Variants in LAMA1 observed in about 807,000 individuals in gnomAD.
LAMA1 encodes laminin subunit alpha-1.
LAMA1 carries 219 observed loss-of-function variants against 348.7 expected under a neutral mutation model. The ratio of observed to expected loss-of-function variants is 0.63; its 90% CI spans 0.56 to 0.70. The LOEUF (loss-of-function observed/expected upper bound fraction) is 0.70. Among genes scored for constraint, LAMA1 ranks in the 30% least tolerant of loss-of-function variants. The pLI is 0.00. For synonymous variants in LAMA1, 1,487 were observed against 1,491.0 expected (o/e 1.00, Z 0.06); for missense variants, 3,744 against 3,888.0 (o/e 0.96, Z 0.99).
At chr18:7,101,322 C>T (rs2058290389) in intron 1 of LAMA1, among the ~76,000 whole-genome samples, 1 of 152,082 alleles carries the variant, frequency 6.6e-6, no homozygotes, top group African/African-American at 2.4e-5. Context: ...ATTTATGTGG[C>T]CTGAAACTCA....
At chr18:7,101,917 G>A (rs956401306) in intron 1 of LAMA1, among the ~76,000 whole-genome samples, 1 of 151,450 alleles carries the variant, frequency 6.6e-6, no homozygotes, top group Admixed American at 6.6e-5. Flanking sequence ...GGGCTTAAGG[G>A]ATCTTCCTGC....
Position 7,064,273 on chromosome 18 carries a change from C to G in LAMA1, c.346-13337G>C, listed in dbSNP as rs558134410. On this transcript the variant is annotated intron_variant, in intron 3 of 62. Transcript: ENST00000389658. ...ATGATATGCATATTTTATAATAACA[C>G]CCCCTCCAAAAAAAAAGAGATGAAA... 7.3e-5 allele frequency among the ~76,000 whole-genome samples: 11 copies of G among 151,670 alleles called. No homozygotes were observed. The South Asian group carries it at 2.3e-3, about 32-fold the overall frequency.
intron 3 of LAMA1, among the ~76,000 whole-genome samples, chr18:7,066,006 T>A (rs930305089): frequency 1.3e-5 from 2 of 152,172 alleles, no homozygotes; most frequent in African/African-American, 4.8e-5. Context: ...AAGAAGTCTC[T>A]ACCTTCAGTG....
rs767647793 is a variant in LAMA1, at chr18:7,117,709, G to GC, written c.11dup (p.Val5ArgfsTer66). 1 of 1,597,946 alleles carries GC rather than the reference G, an allele frequency of 6.3e-7. No individual in the cohort carries two copies. Among genetic ancestry groups the GC allele is most frequent in the Non-Finnish European group, 8.5e-7 (1 of 1,178,252 alleles). On this transcript the variant is annotated frameshift_variant, in exon 1 of 63. Coordinates refer to ENST00000389658, the MANE Select transcript of LAMA1 (RefSeq NM_005559.4). LOFTEE classifies it high-confidence loss of function. ...CACACAGCAGCAAGACCAGGAGCAC[G>GC]CCCCCGCGCATCTCGCCTCCGCCGC...
intron 59 of LAMA1, 61 bp from the exon 60 acceptor site, chr18:6,948,617 AT>A: frequency 2.5e-6 from 4 of 1,586,278 alleles, no homozygotes; most frequent in South Asian, 1.1e-5. Context: ...GTTTGGACAC[AT>A]TTTCCTTCCA....
At chr18:6,994,030 C>G (rs1025279155) in intron 34 of LAMA1, among the ~76,000 whole-genome samples, 3 of 152,196 alleles carry the variant, frequency 2.0e-5, no homozygotes, top group African/African-American at 7.2e-5. Context: ...ACTACAGATT[C>G]TCCTAGTGGC....
At chr18:6,965,567 T>G in intron 49 of LAMA1, 135 bp from the exon 50 acceptor site, 1 of 1,017,988 alleles carries the variant, frequency 9.8e-7, no homozygotes, top group Admixed American at 2.0e-5. Flanking sequence ...CAGAGGTCTA[T>G]CGGCTACGAA....
At chr18:7,014,564 GTGAGCTTTGAGGA>G in intron 22 of LAMA1, among the ~76,000 whole-genome samples, 1 of 40,656 alleles carries the variant, frequency 2.5e-5, no homozygotes, top group African/African-American at 7.6e-5. Context: ...CAAGGATACA[GTGAGCTTTGAGGA>G]TACAGTGAGC....
In LAMA1 at chr18:6,964,702, G is replaced by T; in HGVS notation, c.7297C>A (p.Pro2433Thr). ...CTTGGTAATCCACCCACATAAATCGGGTCCTTGTCTAGGCGGTTGAGGTCA... is the reference window on the plus strand; with the variant it reads ...CTTGGTAATCCACCCACATAAATCGTGTCCTTGTCTAGGCGGTTGAGGTCA... ...SSDLNRLDKD[P>T]IYVGGLPRSR... is the part of the protein sequence containing the mutation. Residue 2433 changes from proline (P) to threonine (T), a missense_variant, in exon 51 of 63, where the codon CCG becomes ACG. Around this residue, in one of 3 missense-constraint regions of LAMA1, gnomAD observed 1,983 missense variants for 1,934.3 expected, o/e 1.03. Coordinates refer to ENST00000389658, the MANE Select transcript of LAMA1 (RefSeq NM_005559.4). 6.2e-7 allele frequency: 1 copy of T among 1,613,978 alleles called. No homozygotes were observed. Among genetic ancestry groups the T allele is most frequent in the Non-Finnish European group, 8.5e-7 (1 of 1,179,944 alleles).
rs1207719043 is a variant in LAMA1 at position 7,042,258 on chromosome 18, G to A, written c.1156-8C>T. The A allele has an allele frequency of 1.3e-6, 2 of 1,552,632 alleles. No individual in the cohort carries two copies. Among genetic ancestry groups the A allele is most frequent in the South Asian group, 1.1e-5 (1 of 88,728 alleles). ...ATCCTCATAAGGAGACACCTGAAAGGCAGAGGTTGCCCTGGATTCTCTTAC... is the reference window on the plus strand; with the variant it reads ...ATCCTCATAAGGAGACACCTGAAAGACAGAGGTTGCCCTGGATTCTCTTAC... On this transcript the variant is annotated splice_region_variant and splice_polypyrimidine_tract_variant and intron_variant, in intron 8 of 62. Transcript: ENST00000389658.
rs551236176 is a variant in LAMA1, at chr18:7,057,858, G to A, written c.346-6922C>T. Among the ~76,000 whole-genome samples, 9 of 150,598 alleles carry A rather than the reference G, an allele frequency of 6.0e-5. No individual in the cohort carries two copies. In the East Asian group the frequency reaches 1.4e-3, roughly 23 times the overall value. ...TGCCCAGGTTGGAGTGCAGTGGTGCGATCTCCGCTCACTGCAACCTCCACC... is the reference window on the plus strand; with the variant it reads ...TGCCCAGGTTGGAGTGCAGTGGTGCAATCTCCGCTCACTGCAACCTCCACC... On this transcript the variant is annotated intron_variant, in intron 3 of 62. Coordinates refer to ENST00000389658, the MANE Select transcript of LAMA1 (RefSeq NM_005559.4).
rs2057666290 is a variant in LAMA1 at position 6,973,179 on chromosome 18, T to C, written c.6652A>G (p.Lys2218Glu). Residue 2218 changes from lysine (K) to glutamate (E), a missense_variant, in exon 47 of 63, where the codon AAG becomes GAG. Coordinates refer to ENST00000389658, the MANE Select transcript of LAMA1 (RefSeq NM_005559.4). ...GACTTTTGATTTGAGCTCATTTCCT[T>C]TACACTCAGTGAACCAATGTTTCCA... Reference protein sequence around the residue: ...RFGNIGSLSVKEMSSNQKSPT... With the variant: ...RFGNIGSLSVEEMSSNQKSPT... 7 of 1,614,174 alleles carry C rather than the reference T, an allele frequency of 4.3e-6. No individual in the cohort carries two copies. The highest frequency in any genetic ancestry group is 5.9e-6 in the Non-Finnish European group (7 of 1,180,010).
At chr18:6,978,156 A>C in intron 43 of LAMA1, 40 bp downstream of exon 43, 1 of 1,612,872 alleles carries the variant, frequency 6.2e-7, no homozygotes, top group Non-Finnish European at 8.5e-7. Context: ...CGTCTGCATG[A>C]CGCAGACGAT....
At chr18:7,076,961 T>G (rs1367598057) in intron 3 of LAMA1, 2 of 152,050 alleles carry the variant, frequency 1.3e-5, no homozygotes, top group Admixed American at 6.6e-5. Flanking sequence ...CAAAAGTGTT[T>G]GTAATAAAAA....
chr18:7,115,638 C>G (rs2058352231), intron 1 of LAMA1, among the ~76,000 whole-genome samples: 1 of 150,902 alleles, frequency 6.6e-6, no homozygotes, highest in African/African-American at 2.4e-5. Context: ...ACAAATCATT[C>G]ATGCTATTCA....
At position 7,050,952 on chromosome 18, in the gene LAMA1, T is replaced by C. The variant is rs755343221; in HGVS notation, c.346-16A>G. On this transcript the variant is annotated splice_polypyrimidine_tract_variant and intron_variant, in intron 3 of 62. Coordinates refer to ENST00000389658, the MANE Select transcript of LAMA1 (RefSeq NM_005559.4). ...CTTGAAAGACCTGAAACAAAGACAC[T>C]GAAAAGTCTCAATCCAGAATCAATA... 1.2e-6 allele frequency: 2 copies of C among 1,613,678 alleles called. No homozygotes were observed. Among genetic ancestry groups the C allele is most frequent in the Non-Finnish European group, 1.7e-6 (2 of 1,179,796 alleles).
chr18:7,117,582 G>T (rs2058362966), intron 1 of LAMA1, 78 bp downstream of exon 1: 2 of 1,475,262 alleles, frequency 1.4e-6, no homozygotes, highest in African/African-American at 2.8e-5. Flanking sequence ...CAGCCCCAAC[G>T]CGACGGGCTT....
chr18:7,110,023 A>T (rs2058329487), intron 1 of LAMA1, among the ~76,000 whole-genome samples: 1 of 152,124 alleles, frequency 6.6e-6, no homozygotes, highest in East Asian at 1.9e-4. Context: ...TTCTACTAAA[A>T]TACAAAAATT....
rs1390717699 is a variant in LAMA1, at chr18:7,080,069, T to C, written c.251A>G (p.His84Arg). 3 of 1,612,318 alleles carry C rather than the reference T, an allele frequency of 1.9e-6. No individual in the cohort carries two copies. Among genetic ancestry groups the C allele is most frequent in the African/African-American group, 2.7e-5 (2 of 75,040 alleles). The part of the protein sequence containing the change: ...ANPRERHPIS[H>R]AIDGTNNWWQ... ...CCAGTTATTGGTGCCATCTATGGCA[T>C]GTGATATTGGATGGCGTTCTGTTGA... Residue 84 changes from histidine (H) to arginine (R), a missense_variant, in exon 3 of 63, where the codon CAT (histidine) becomes CGT (arginine). His to Arg is a conservative substitution (Grantham distance 29). Coordinates refer to ENST00000389658, the MANE Select transcript of LAMA1 (RefSeq NM_005559.4).
Sources: gnomAD v4.1 joint callset for allele counts (sites outside exome capture counted in the v4.1 genomes callset) on GRCh38, gnomAD v4.1.1 for gene constraint, gnomAD v4.1.1 regional missense constraint, MANE v1.5 for transcripts, NCBI Gene and HGNC (gene_info 2026-07-23, HGNC 2026-07-21) for gene names.